The following STK38L variants were observed in gnomAD, a reference collection of about 807,000 sequenced individuals.
The protein encoded by STK38L is serine/threonine kinase 38 like, also known as serine/threonine-protein kinase 38-like.
STK38L carries 28 observed loss-of-function variants against 59.7 expected under a neutral mutation model. That is an observed-to-expected ratio of 0.47 (90% CI 0.35 to 0.64). The LOEUF is 0.64. Ranked by LOEUF, STK38L falls within the 30% of genes least tolerant of loss-of-function variation. The pLI is 0.01. For missense variants in STK38L, 314 were observed against 555.8 expected, an observed-to-expected ratio of 0.56 and a Z score of 4.37; for synonymous variants, 162 against 176.8, an observed-to-expected ratio of 0.92 and a Z score of 0.66.
rs562950261 is a variant in STK38L at position 27,251,173 on chromosome 12, T to C, written c.-12+6841T>C. On this transcript the variant is annotated intron_variant, in intron 1 of 13. Coordinates refer to ENST00000389032, the MANE Select transcript of STK38L (RefSeq NM_015000.4). ...CTTCCTTTTTTGGTAATTTCCCCTTTAGGAGTTATTTACAGTTTTGCATGT... is the reference window on the plus strand; with the variant it reads ...CTTCCTTTTTTGGTAATTTCCCCTTCAGGAGTTATTTACAGTTTTGCATGT... Among the ~76,000 whole-genome samples the C allele has an allele frequency of 3.9e-5, 6 of 152,290 alleles. No individual in the cohort carries two copies. The East Asian group carries it at 1.2e-3, about 29-fold the overall frequency.
intron 1 of STK38L, among the ~76,000 whole-genome samples, chr12:27,284,160 G>C (rs1267182870): frequency 6.6e-6 from 1 of 152,188 alleles, no homozygotes; most frequent in Non-Finnish European, 1.5e-5. Context: ...GGACATGAGT[G>C]CTAGGGCTAT....
intron 1 of STK38L, among the ~76,000 whole-genome samples, chr12:27,259,364 A>T (rs1943155928): frequency 6.6e-6 from 1 of 152,136 alleles, no homozygotes; most frequent in South Asian, 2.1e-4. Flanking sequence ...GTCAAGTCAG[A>T]TTTGCAGTGT....
intron 1 of STK38L, among the ~76,000 whole-genome samples, chr12:27,292,318 G>A (rs1943914997): frequency 6.6e-6 from 1 of 152,132 alleles, no homozygotes; most frequent in Admixed American, 6.5e-5. Flanking sequence ...GTCTGTGTCT[G>A]GTAAGAAGGA....
chr12:27,304,258 C>CAAA lies in STK38L; in HGVS notation c.186+2090_186+2092dup, dbSNP rs34994566. 2.0e-3 allele frequency among the ~76,000 whole-genome samples: 126 copies of CAAA among 62,636 alleles called. 1 individual carries two copies. The highest frequency in any genetic ancestry group is 4.5e-3 in the South Asian group (8 of 1,766). 41.1% of individuals were successfully genotyped at this position (62,636 alleles called of 152,430 possible). ...TGGGTGACAGGGTGAGAGTCTGTCT[C>CAAA]AAAAAAAAAAAAAAAAAAAAAAGAG... On this transcript the variant is annotated intron_variant, in intron 3 of 13. Transcript: ENST00000389032.
chr12:27,321,381 G>A (rs1944724596), intron 12 of STK38L, among the ~76,000 whole-genome samples: 1 of 152,062 alleles, frequency 6.6e-6, no homozygotes, highest in Non-Finnish European at 1.5e-5. Context: ...CTTAAAATTT[G>A]TATGACAGAA....
At chr12:27,280,681 A>G (rs1353402971) in intron 1 of STK38L, among the ~76,000 whole-genome samples, 1 of 152,234 alleles carries the variant, frequency 6.6e-6, no homozygotes, top group Non-Finnish European at 1.5e-5. Flanking sequence ...GCTGCCATTC[A>G]ACGTTGGTTA....
chr12:27,262,288 G>A (rs1943217811), intron 1 of STK38L, among the ~76,000 whole-genome samples: 1 of 152,074 alleles, frequency 6.6e-6, no homozygotes, highest in Admixed American at 6.5e-5. Flanking sequence ...TACAAATTAT[G>A]TCTTTAAAGT....
chr12:27,324,189 G>A lies in STK38L; in HGVS notation c.*1734G>A, dbSNP rs1944791668. The A allele has an allele frequency of 6.6e-6, 1 of 151,942 alleles. No individual in the cohort carries two copies. The highest frequency in any genetic ancestry group is 2.4e-5 in the African/African-American group (1 of 41,378). The allele number at this position is 151,942 out of a possible 1,614,324, so 9.4% of individuals were successfully genotyped here. A position where few individuals can be genotyped will look rare whatever the true frequency, so the allele number is the denominator to read the frequency against. ...TGAGTACTTACGTGTTTATCTAACA[G>A]TTCACTTCCATTTTTCTAGTCTGGA... On this transcript the variant is annotated 3_prime_UTR_variant, in exon 14 of 14. Transcript: ENST00000389032.
At chr12:27,248,205 C>G (rs1053525799) in intron 1 of STK38L, among the ~76,000 whole-genome samples, 2 of 152,184 alleles carry the variant, frequency 1.3e-5, no homozygotes, top group African/African-American at 2.4e-5. Flanking sequence ...ATGTTGGTCT[C>G]AGCCCTTTTA....
intron 1 of STK38L, among the ~76,000 whole-genome samples, chr12:27,256,072 T>C (rs940183124): frequency 6.6e-6 from 1 of 152,182 alleles, no homozygotes; most frequent in Non-Finnish European, 1.5e-5. Flanking sequence ...ATTTTTTAGG[T>C]CTTCCTTAAC....
chr12:27,271,540 G>T (rs1367690201), intron 1 of STK38L, among the ~76,000 whole-genome samples: 1 of 152,170 alleles, frequency 6.6e-6, no homozygotes, highest in Non-Finnish European at 1.5e-5. Flanking sequence ...TGTTTGGGGG[G>T]TAGTTAGTAG....
Position 27,309,101 on chromosome 12 carries a change from T to A in STK38L, c.310-13T>A. On this transcript the variant is annotated splice_polypyrimidine_tract_variant and intron_variant, in intron 4 of 13. Transcript: ENST00000389032. ...TAGTGACTGTTTTATAATATATGTT[T>A]TTTATCTTTTAGGTGCGGTTGGTCC... 1.3e-6 allele frequency: 2 copies of A among 1,556,928 alleles called. No individual in the cohort carries two copies. Among genetic ancestry groups the A allele is most frequent in the Middle Eastern group, 3.5e-4 (2 of 5,636 alleles).
intron 1 of STK38L, among the ~76,000 whole-genome samples, chr12:27,260,843 C>A (rs539738578): frequency 6.6e-6 from 1 of 152,300 alleles, no homozygotes; most frequent in South Asian, 2.1e-4. Context: ...GTGCCAGGAA[C>A]AGTATCTGGC....
At position 27,290,183 on chromosome 12, in the gene STK38L, CTTATA is replaced by C. The variant is rs1004733877; in HGVS notation, c.-11-7522_-11-7518del. 2.1e-4 allele frequency among the ~76,000 whole-genome samples: 32 copies of C among 152,250 alleles called. 1 individual carries two copies. Among genetic ancestry groups the C allele is most frequent in the African/African-American group, 7.7e-4 (32 of 41,546 alleles). The stretch of plus-strand genomic sequence containing the variant: ...ACTAACTTTTAGAATTATCTTAAGT[CTTATA>C]TTATCATAATAAGCATGCACACAAG... On this transcript the variant is annotated intron_variant, in intron 1 of 13. Coordinates refer to ENST00000389032, the MANE Select transcript of STK38L (RefSeq NM_015000.4).
chr12:27,313,366 GT>G (rs1944505501), intron 6 of STK38L, among the ~76,000 whole-genome samples: 1 of 131,576 alleles, frequency 7.6e-6, no homozygotes, highest in Non-Finnish European at 1.8e-5. Flanking sequence ...AGAATTCTGG[GT>G]TTTGTTTTGT....
chr12:27,320,171 C>G (rs546677651), intron 12 of STK38L, among the ~76,000 whole-genome samples: 40 of 152,346 alleles, frequency 2.6e-4, no homozygotes, highest in African/African-American at 9.4e-4. Flanking sequence ...CCCTGCCTAG[C>G]TGGCTCCTTT....
intron 1 of STK38L, among the ~76,000 whole-genome samples, chr12:27,271,009 TAGC>T (rs1054109184): frequency 2.0e-5 from 3 of 152,228 alleles, no homozygotes; most frequent in African/African-American, 7.2e-5. Context: ...ACAGTGATGA[TAGC>T]AGTGATAATG....
rs1944386574 is a variant in STK38L at position 27,308,900 on chromosome 12, A to C, written c.310-214A>C. The stretch of plus-strand genomic sequence containing the variant: ...AATATATATAAATGTAAATATATAA[A>C]TATATATAAATATATATTAATATAT... On this transcript the variant is annotated intron_variant, in intron 4 of 13. Transcript: ENST00000389032. This position sits in a 1 kb window ranked among gnomAD's most constrained non-coding sequence, Gnocchi z 4.5. Among the ~76,000 whole-genome samples the C allele has an allele frequency of 6.8e-6, 1 of 146,226 alleles. No homozygotes were observed. The highest frequency in any genetic ancestry group is 2.5e-5 in the African/African-American group (1 of 40,468).
At chr12:27,313,949 T>C (rs1454018798) in intron 6 of STK38L, among the ~76,000 whole-genome samples, 1 of 152,142 alleles carries the variant, frequency 6.6e-6, no homozygotes, top group Non-Finnish European at 1.5e-5. Flanking sequence ...AGAAGTTGAG[T>C]GGTAGATATT....
Sources: allele counts gnomAD v4.1 joint callset (sites outside exome capture counted in the v4.1 genomes callset), GRCh38; gene constraint gnomAD v4.1.1; non-coding constraint Gnocchi (gnomAD v3.1); transcripts MANE v1.5; gene names NCBI Gene and HGNC (gene_info 2026-07-23, HGNC 2026-07-21).